The following MAP3K20 variants were observed in gnomAD, a reference collection of about 807,000 sequenced individuals.
MAP3K20 encodes the protein mitogen-activated protein kinase kinase kinase 20.
MAP3K20 carries 40 observed loss-of-function variants against 85.7 expected under a neutral mutation model. That is an observed-to-expected ratio of 0.47 (90% CI 0.36 to 0.61). The LOEUF is 0.61. Among genes scored for constraint, MAP3K20 ranks in the 20% least tolerant of loss-of-function variants. The probability of loss-of-function intolerance (pLI) is 0.00; values close to 1 mark genes in which losing one functional copy is unlikely to be tolerated. For missense variants in MAP3K20, 817 were observed against 961.7 expected, an observed-to-expected ratio of 0.85 and a Z score of 1.99; for synonymous variants, 325 against 327.7, an observed-to-expected ratio of 0.99 and a Z score of 0.09.
At chr2:173,236,005 C>A (rs771024634) in intron 14 of MAP3K20, among the ~76,000 whole-genome samples, 1 of 152,070 alleles carries the variant, frequency 6.6e-6, no homozygotes, top group East Asian at 1.9e-4. Flanking sequence ...GTGGCTCAAG[C>A]CTGTAATCCC....
chr2:173,091,625 GT>G (rs1000269315), intron 2 of MAP3K20, among the ~76,000 whole-genome samples: 2 of 151,918 alleles, frequency 1.3e-5, no homozygotes, highest in South Asian at 2.1e-4. Context: ...ATAAGACACT[GT>G]TTTTTTTAAC....
chr2:173,157,013 G>A (rs1179675108), intron 2 of MAP3K20, among the ~76,000 whole-genome samples: 1 of 152,146 alleles, frequency 6.6e-6, no homozygotes. Flanking sequence ...AACAATGCAG[G>A]GGTTAGGGGC....
intron 9 of MAP3K20, 47 bp from the exon 10 acceptor site, chr2:173,209,682 T>C: frequency 6.6e-7 from 1 of 1,513,442 alleles, no homozygotes; most frequent in Admixed American, 2.0e-5. Flanking sequence ...CTTAAATATC[T>C]CCTTTCTTAA....
At chr2:173,171,828 G>A (rs1360398413) in intron 3 of MAP3K20, among the ~76,000 whole-genome samples, 15 of 152,128 alleles carry the variant, frequency 9.9e-5, no homozygotes, top group Admixed American at 9.2e-4. Flanking sequence ...TAAACCTAAA[G>A]AATTAAAACA....
intron 16 of MAP3K20, among the ~76,000 whole-genome samples, chr2:173,250,524 T>G (rs1685018736): frequency 6.6e-6 from 1 of 152,232 alleles, no homozygotes; most frequent in African/African-American, 2.4e-5. Flanking sequence ...ACTGGCAGTG[T>G]CATGGAAGCA....
At chr2:173,135,565 A>ATGGGGTG (rs1688776706) in intron 2 of MAP3K20, among the ~76,000 whole-genome samples, 2 of 152,332 alleles carry the variant, frequency 1.3e-5, no homozygotes, top group South Asian at 4.1e-4. Context: ...TCAAACTGTG[A>ATGGGGTG]TGGGAAGATT....
intron 2 of MAP3K20, among the ~76,000 whole-genome samples, chr2:173,148,409 GA>G (rs1689198385): frequency 1.3e-5 from 2 of 152,196 alleles, no homozygotes; most frequent in Admixed American, 6.5e-5. Flanking sequence ...TTAAGTGCCA[GA>G]ACATGTTCTT....
intron 19 of MAP3K20, 114 bp downstream of exon 19, chr2:173,264,009 T>C: frequency 1.4e-6 from 2 of 1,403,366 alleles, no homozygotes; most frequent in East Asian, 2.6e-5. Context: ...AGATCTATCT[T>C]TGAGCTTCGA....
intron 2 of MAP3K20, among the ~76,000 whole-genome samples, chr2:173,098,067 C>T (rs1341255435): frequency 6.6e-6 from 1 of 152,128 alleles, no homozygotes; most frequent in Non-Finnish European, 1.5e-5. Flanking sequence ...GACCCAAACA[C>T]GTTAAAGAAG....
intron 2 of MAP3K20, among the ~76,000 whole-genome samples, chr2:173,096,530 G>A (rs530388968): frequency 9.9e-5 from 15 of 152,052 alleles, no homozygotes; most frequent in Non-Finnish European, 2.1e-4. Flanking sequence ...AGTAGAAACG[G>A]GGTTTCACCG....
At chr2:173,137,496 T>C (rs1688829746) in intron 2 of MAP3K20, among the ~76,000 whole-genome samples, 1 of 152,204 alleles carries the variant, frequency 6.6e-6, no homozygotes, top group South Asian at 2.1e-4. Context: ...GAAGATTTTT[T>C]TTTTTCTGGT....
chr2:173,229,066 G>A (rs1269756608), intron 11 of MAP3K20, among the ~76,000 whole-genome samples: 1 of 152,222 alleles, frequency 6.6e-6, no homozygotes, highest in African/African-American at 2.4e-5. Context: ...AAATGGTGCA[G>A]GCTGAAGTCC....
At chr2:173,228,811 C>T (rs1684451386) in intron 11 of MAP3K20, among the ~76,000 whole-genome samples, 1 of 30,318 alleles carries the variant, frequency 3.3e-5, no homozygotes, top group Admixed American at 3.4e-4. Flanking sequence ...AGCAACCAAA[C>T]TCAACTTTTT....
chr2:173,225,033 A>G, intron 11 of MAP3K20: 2 of 984,400 alleles, frequency 2.0e-6, no homozygotes, highest in Non-Finnish European at 2.4e-6. Flanking sequence ...TGAATCTCTC[A>G]GTTGTGGGAA....
In MAP3K20 at chr2:173,267,312, TTTC is replaced by T. The variant is rs1257578660; in HGVS notation, c.*565_*567del. On this transcript the variant is annotated 3_prime_UTR_variant, in exon 20 of 20. Coordinates refer to ENST00000375213, the MANE Select transcript of MAP3K20 (RefSeq NM_016653.3). ...GTTTGAGGTTTTTTGTTGCTTCTTT[TTTC>T]TTTTCTTTCTTTCCCCCTCTTTTTT... The T allele has an allele frequency of 2.0e-5, 3 of 152,336 alleles. No individual in the cohort carries two copies. The highest frequency in any genetic ancestry group is 6.5e-5 in the Admixed American group (1 of 15,298). The allele number at this position is 152,336 out of a possible 1,614,324, so 9.4% of individuals were successfully genotyped here. A position where few individuals can be genotyped will look rare whatever the true frequency, so the allele number is the denominator to read the frequency against.
Position 173,135,450 on chromosome 2 carries a change from T to C in MAP3K20, c.160-34355T>C, listed in dbSNP as rs542035535. Among the ~76,000 whole-genome samples the C allele has an allele frequency of 2.0e-5, 3 of 152,234 alleles. No homozygotes were observed. The South Asian group carries it at 6.2e-4, about 32-fold the overall frequency. ...CATGGAGACTCTGGAAAGCTAAGGATTGATAGAGGATGAGGAAGATGTGGC... is the reference window on the plus strand; with the variant it reads ...CATGGAGACTCTGGAAAGCTAAGGACTGATAGAGGATGAGGAAGATGTGGC... On this transcript the variant is annotated intron_variant, in intron 2 of 19. Transcript: ENST00000375213.
chr2:173,145,815 G>T (rs536755492), intron 2 of MAP3K20, among the ~76,000 whole-genome samples: 2 of 152,216 alleles, frequency 1.3e-5, no homozygotes, highest in South Asian at 2.1e-4. Context: ...AAGAATATTT[G>T]TAGCAGCTGT....
intron 4 of MAP3K20, among the ~76,000 whole-genome samples, chr2:173,187,240 C>T (rs917029473): frequency 1.5e-4 from 23 of 152,170 alleles, no homozygotes; most frequent in African/African-American, 4.8e-4. Flanking sequence ...ATACCTTAGT[C>T]GTGGAGCCCT....
chr2:173,132,734 T>C (rs768620972), intron 2 of MAP3K20, among the ~76,000 whole-genome samples: 19 of 152,158 alleles, frequency 1.2e-4, no homozygotes, highest in Admixed American at 2.6e-4. Flanking sequence ...TTTGAATCCA[T>C]CTCAGCTGTA....
Sources: gnomAD v4.1 joint callset for allele counts (sites outside exome capture counted in the v4.1 genomes callset) on GRCh38, gnomAD v4.1.1 for gene constraint, MANE v1.5 for transcripts, NCBI Gene and HGNC (gene_info 2026-07-23, HGNC 2026-07-21) for gene names.